The following MCTP1 variants were observed in gnomAD, a reference collection of about 807,000 sequenced individuals.
The protein encoded by MCTP1 is multiple C2 and transmembrane domain-containing protein 1.
Under a neutral mutation model 120.6 loss-of-function variants are expected in MCTP1, and 69 were observed. That is an observed-to-expected ratio of 0.57 (90% CI 0.47 to 0.70). The LOEUF (loss-of-function observed/expected upper bound fraction) is 0.70, where lower values mean the gene tolerates loss of function less well. MCTP1 is among the 30% of genes least tolerant of loss of function. The probability of loss-of-function intolerance (pLI) is 0.00; values close to 1 mark genes in which losing one functional copy is unlikely to be tolerated. For synonymous variants in MCTP1, 529 were observed against 493.1 expected (o/e 1.07, Z -0.96); for missense variants, 1,203 against 1,248.8 (o/e 0.96, Z 0.55).
intron 17 of MCTP1, among the ~76,000 whole-genome samples, chr5:94,803,857 C>G (rs1431701077): frequency 6.6e-6 from 1 of 152,288 alleles, no homozygotes; most frequent in East Asian, 1.9e-4. Flanking sequence ...GTATCCATGA[C>G]TTTTATAATA....
chr5:94,972,041 A>T (rs1827002357), intron 2 of MCTP1, among the ~76,000 whole-genome samples: 1 of 152,046 alleles, frequency 6.6e-6, no homozygotes, highest in Admixed American at 6.6e-5. Flanking sequence ...CCTTATCTAG[A>T]TTATTTAGAG....
chr5:95,207,433 A>G (rs996072272), intron 1 of MCTP1, among the ~76,000 whole-genome samples: 7 of 152,190 alleles, frequency 4.6e-5, no homozygotes, highest in Non-Finnish European at 8.8e-5. Context: ...GAAAATCACT[A>G]TGCAAACAAT....
At chr5:95,170,823 C>G (rs1747168360) in intron 1 of MCTP1, among the ~76,000 whole-genome samples, 2 of 152,270 alleles carry the variant, frequency 1.3e-5, no homozygotes, top group South Asian at 4.1e-4. Context: ...TGAGATGGGT[C>G]TCCTGAAAAC....
chr5:95,102,789 A>G (rs553289620), intron 1 of MCTP1, among the ~76,000 whole-genome samples: 37 of 152,328 alleles, frequency 2.4e-4, no homozygotes, highest in African/African-American at 8.4e-4. Flanking sequence ...TACATTAGCT[A>G]AGACTTCTCA....
chr5:95,198,502 G>A (rs1159816698), intron 1 of MCTP1, among the ~76,000 whole-genome samples: 5 of 152,152 alleles, frequency 3.3e-5, no homozygotes, highest in Non-Finnish European at 5.9e-5. Context: ...GTAGACTAAT[G>A]TAATGTTCTA....
intron 1 of MCTP1, among the ~76,000 whole-genome samples, chr5:95,136,358 A>G (rs1038600514): frequency 1.3e-5 from 2 of 152,222 alleles, no homozygotes; most frequent in African/African-American, 2.4e-5. Context: ...AAATGGCTCT[A>G]TTCATTCAGG....
At chr5:94,868,185 T>C (rs913871172) in intron 17 of MCTP1, 148 bp downstream of exon 17, 1 of 668,314 alleles carries the variant, frequency 1.5e-6, no homozygotes, top group Non-Finnish European at 2.2e-6. Flanking sequence ...ATCAGGTTCC[T>C]GCCCACGGCA....
At chr5:95,221,685 G>A (rs887466494) in intron 1 of MCTP1, among the ~76,000 whole-genome samples, 1 of 152,094 alleles carries the variant, frequency 6.6e-6, no homozygotes, top group African/African-American at 2.4e-5. Flanking sequence ...TTCTCTCTTG[G>A]CTCCCACTAT....
At chr5:95,098,505 T>G (rs949011783) in intron 1 of MCTP1, among the ~76,000 whole-genome samples, 1 of 151,942 alleles carries the variant, frequency 6.6e-6, no homozygotes, top group Non-Finnish European at 1.5e-5. Flanking sequence ...AAATCATGAG[T>G]GAACTCCCAT....
At chr5:94,796,615 A>ATATATAT in intron 18 of MCTP1, among the ~76,000 whole-genome samples, 2 of 92,802 alleles carry the variant, frequency 2.2e-5, no homozygotes, top group African/African-American at 7.2e-5. Context: ...AATATATATA[A>ATATATAT]TATATATAAT....
At chr5:95,028,266 G>T (rs1165730689) in intron 1 of MCTP1, among the ~76,000 whole-genome samples, 1 of 152,084 alleles carries the variant, frequency 6.6e-6, no homozygotes, top group Non-Finnish European at 1.5e-5. Flanking sequence ...AGAATGCATG[G>T]TTATAATGGT....
At chr5:94,947,599 G>GAGAGAGAGAC (rs1819407983) in intron 3 of MCTP1, among the ~76,000 whole-genome samples, 2 of 97,934 alleles carry the variant, frequency 2.0e-5, no homozygotes, top group African/African-American at 3.9e-5. Flanking sequence ...GAGAGAGAGA[G>GAGAGAGAGAC]AGAGAGAGAG....
intron 17 of MCTP1, among the ~76,000 whole-genome samples, chr5:94,817,988 C>G (rs768347827): frequency 9.9e-5 from 15 of 152,146 alleles, no homozygotes; most frequent in Non-Finnish European, 1.9e-4. Context: ...TCAGCTGCTC[C>G]TGGTTATACT....
rs141975791 is a variant in MCTP1, at chr5:95,097,373, A to G, written c.721-79889T>C. The stretch of plus-strand genomic sequence containing the variant: ...CCTGATTAATGAGAAAGAAGCGGAT[A>G]TGGCGAGAACCAGGGGAAGATTGTA... On this transcript the variant is annotated intron_variant, in intron 1 of 22. Coordinates refer to ENST00000515393, the MANE Select transcript of MCTP1 (RefSeq NM_024717.7). 5.0e-3 allele frequency among the ~76,000 whole-genome samples: 757 copies of G among 152,358 alleles called. 7 individuals carry two copies. The highest frequency in any genetic ancestry group is 7.9e-3 in the Non-Finnish European group (536 of 68,034).
At chr5:95,028,860 A>G (rs909560209) in intron 1 of MCTP1, among the ~76,000 whole-genome samples, 2 of 152,180 alleles carry the variant, frequency 1.3e-5, no homozygotes, top group African/African-American at 4.8e-5. Context: ...CACTGTTCTG[A>G]TTATGAGATA....
chr5:94,924,578 G>A lies in MCTP1; in HGVS notation c.1213-557C>T, dbSNP rs537148617. Among the ~76,000 whole-genome samples, 7 of 152,212 alleles carry A rather than the reference G, an allele frequency of 4.6e-5. No individual in the cohort carries two copies. The South Asian group carries it at 1.4e-3, about 32-fold the overall frequency. On this transcript the variant is annotated intron_variant, in intron 6 of 22. Transcript: ENST00000515393. ...AAAAGGAATGAATACTGAGAGAGTT[G>A]GCTATTGGACTAAAAGCAATGCAAT...
chr5:94,898,782 G>A (rs1361374848), intron 10 of MCTP1, among the ~76,000 whole-genome samples: 1 of 152,240 alleles, frequency 6.6e-6, no homozygotes, highest in Non-Finnish European at 1.5e-5. Flanking sequence ...GGGTTTGGGA[G>A]TCAGATTCCC....
intron 1 of MCTP1, among the ~76,000 whole-genome samples, chr5:95,118,867 C>A (rs1758004407): frequency 6.6e-6 from 1 of 152,200 alleles, no homozygotes; most frequent in South Asian, 2.1e-4. Context: ...CCTAACACTG[C>A]AGCATCCTGA....
chr5:95,168,913 G>T (rs907792317), intron 1 of MCTP1, among the ~76,000 whole-genome samples: 1 of 151,978 alleles, frequency 6.6e-6, no homozygotes, highest in Non-Finnish European at 1.5e-5. Flanking sequence ...TGATTGCCCT[G>T]GCCAGAACTT....
Sources: gnomAD v4.1 joint callset for allele counts (sites outside exome capture counted in the v4.1 genomes callset) on GRCh38, gnomAD v4.1.1 for gene constraint, MANE v1.5 for transcripts, NCBI Gene and HGNC (gene_info 2026-07-23, HGNC 2026-07-21) for gene names.